Variants in RNF216 observed in about 807,000 individuals in gnomAD.
The protein encoded by RNF216 is ring finger protein 216.
Under a neutral mutation model 110.8 loss-of-function variants are expected in RNF216, and 72 were observed. That is an observed-to-expected ratio of 0.65 (90% CI 0.54 to 0.79). The LOEUF (loss-of-function observed/expected upper bound fraction) is 0.79, where lower values mean the gene tolerates loss of function less well. RNF216 is among the 30% of genes least tolerant of loss of function. RNF216 has a pLI of 0.00. For synonymous variants in RNF216, 495 were observed against 407.5 expected, an observed-to-expected ratio of 1.21 and a Z score of -2.59; for missense variants, 1,342 against 1,141.2, an observed-to-expected ratio of 1.18 and a Z score of -2.54.
At chr7:5,641,440 T>G in intron 14 of RNF216, 64 bp from the exon 15 acceptor site, 14 of 1,219,438 alleles carry the variant, frequency 1.1e-5, no homozygotes, top group Non-Finnish European at 1.7e-5. Context: ...ATATGGCCAT[T>G]AAGCATTTAT....
At chr7:5,627,165 G>C (rs1584332018) in intron 15 of RNF216, among the ~76,000 whole-genome samples, 1 of 152,210 alleles carries the variant, frequency 6.6e-6, no homozygotes, top group South Asian at 2.1e-4. Context: ...AGGTCCCTGA[G>C]AAAGTACCTT....
In RNF216 at chr7:5,667,264, T is replaced by A. The variant is rs572280896; in HGVS notation, c.2062-14754A>T. On this transcript the variant is annotated intron_variant, in intron 13 of 16. Coordinates refer to ENST00000389902, the MANE Select transcript of RNF216 (RefSeq NM_207111.4). ...AAAACTGTTTCTGTTCCACCTATATTTATTTATGTTTGGATGAAGCTTATG... is the reference window on the plus strand; with the variant it reads ...AAAACTGTTTCTGTTCCACCTATATATATTTATGTTTGGATGAAGCTTATG... 3.3e-5 allele frequency among the ~76,000 whole-genome samples: 5 copies of A among 152,354 alleles called. No individual in the cohort carries two copies. In the South Asian group the frequency reaches 1.0e-3, roughly 32 times the overall value.
In RNF216 at chr7:5,696,238, G is replaced by C. The variant is rs773927811; in HGVS notation, c.2061+15523C>G. Reference sequence around the variant, plus strand: ...TCAGGAGGCCCATGGAAAAAAAGCAGGGCTCTCAGCAGCTGGGAAAACATG... The same window carrying C: ...TCAGGAGGCCCATGGAAAAAAAGCACGGCTCTCAGCAGCTGGGAAAACATG... On this transcript the variant is annotated intron_variant, in intron 13 of 16. Coordinates refer to ENST00000389902, the MANE Select transcript of RNF216 (RefSeq NM_207111.4). This position sits in a 1 kb window ranked among gnomAD's most constrained non-coding sequence, Gnocchi z 5.4. 8.5e-5 allele frequency among the ~76,000 whole-genome samples: 13 copies of C among 152,296 alleles called. No individual in the cohort carries two copies. Among genetic ancestry groups the C allele is most frequent in the Middle Eastern group, 3.4e-3 (1 of 294 alleles).
chr7:5,655,319 A>G (rs1189271433), intron 13 of RNF216, among the ~76,000 whole-genome samples: 1 of 152,134 alleles, frequency 6.6e-6, no homozygotes, highest in Non-Finnish European at 1.5e-5. Flanking sequence ...CCCGGAGAAC[A>G]TATCTGAAAC....
chr7:5,649,708 T>G (rs1481199351), intron 14 of RNF216: 2 of 152,170 alleles, frequency 1.3e-5, no homozygotes, highest in Non-Finnish European at 2.9e-5. Flanking sequence ...AGGCGATGAT[T>G]CTTTCACATC....
Position 5,623,932 on chromosome 7 carries a change from C to G in RNF216, c.2452+124G>C, listed in dbSNP as rs1786548752. 4 of 769,054 alleles carry G rather than the reference C, an allele frequency of 5.2e-6. No individual in the cohort carries two copies. In the African/African-American group the frequency reaches 5.2e-5, roughly 10 times the overall value. 47.6% of individuals were successfully genotyped at this position (769,054 alleles called of 1,614,324 possible). A position where few individuals can be genotyped will look rare whatever the true frequency, so the allele number is the denominator to read the frequency against. ...GTGGGTGAAGTCAGGTCTATAGCCA[C>G]CTGAGGGACAGCACCCCCTCCTCTC... On this transcript the variant is annotated intron_variant, in intron 16 of 16. Coordinates refer to ENST00000389902, the MANE Select transcript of RNF216 (RefSeq NM_207111.4).
At chr7:5,657,435 C>T (rs910410084) in intron 13 of RNF216, among the ~76,000 whole-genome samples, 23 of 152,188 alleles carry the variant, frequency 1.5e-4, no homozygotes, top group Non-Finnish European at 2.6e-4. Flanking sequence ...GGCGTGGTGG[C>T]GCATGCCTAT....
At chr7:5,627,472 A>G (rs1283437738) in intron 15 of RNF216, among the ~76,000 whole-genome samples, 1 of 151,476 alleles carries the variant, frequency 6.6e-6, no homozygotes, top group Admixed American at 6.6e-5. Flanking sequence ...AAGACTAGAC[A>G]CTCGGTGGTT....
At chr7:5,686,579 G>GT (rs1450656711) in intron 13 of RNF216, among the ~76,000 whole-genome samples, 1 of 152,212 alleles carries the variant, frequency 6.6e-6, no homozygotes, top group Non-Finnish European at 1.5e-5. Flanking sequence ...TTCCTAAACT[G>GT]ATGTTCTAAA....
chr7:5,641,055 C>T (rs1486409284), intron 15 of RNF216, 99 bp downstream of exon 15: 2 of 978,278 alleles, frequency 2.0e-6, no homozygotes, highest in East Asian at 5.3e-5. Flanking sequence ...ATATTCTTCT[C>T]CTAAGTCAAA....
intron 2 of RNF216, among the ~76,000 whole-genome samples, chr7:5,755,417 T>C (rs1795584312): frequency 6.6e-6 from 1 of 152,202 alleles, no homozygotes; most frequent in African/African-American, 2.4e-5. Context: ...ACAAGCTCTA[T>C]GAATTAATAC....
rs575456136 is a variant in RNF216, at chr7:5,698,482, T to C, written c.2061+13279A>G. 8.5e-5 allele frequency among the ~76,000 whole-genome samples: 13 copies of C among 152,218 alleles called. 1 individual carries two copies. In the South Asian group the frequency reaches 1.4e-3, roughly 17 times the overall value. On this transcript the variant is annotated intron_variant, in intron 13 of 16. Transcript: ENST00000389902. The stretch of plus-strand genomic sequence containing the variant: ...ATGGTTCACAGCGGCCTCGATCTTC[T>C]GGGCTCAGGTGATCTTCCCGCCTCA...
chr7:5,733,837 T>A (rs560878338), intron 5 of RNF216, among the ~76,000 whole-genome samples: 1 of 152,322 alleles, frequency 6.6e-6, no homozygotes, highest in East Asian at 1.9e-4. Flanking sequence ...CATAACTCAG[T>A]ATTGTCGAAG....
intron 6 of RNF216, among the ~76,000 whole-genome samples, 171 bp downstream of exon 6, chr7:5,730,544 G>C (rs1794025703): frequency 6.6e-6 from 1 of 152,200 alleles, no homozygotes; most frequent in Non-Finnish European, 1.5e-5. Context: ...GGCTCAGACT[G>C]GGAGATCGCA....
At chr7:5,673,887 G>C (rs1032200808) in intron 13 of RNF216, among the ~76,000 whole-genome samples, 1 of 139,526 alleles carries the variant, frequency 7.2e-6, no homozygotes, top group African/African-American at 2.7e-5. Context: ...TTGAGACAGA[G>C]TCTTGCTCTA....
rs972105498 is a variant in RNF216, at chr7:5,635,576, G to A, written c.2382+5578C>T. ...ACAACATCATGTCCTTTCCCCTGCC[G>A]CTTAAGCCAGGGTCCCAAAGGTCCC... is the stretch of plus-strand genomic sequence containing the variant. On this transcript the variant is annotated intron_variant, in intron 15 of 16. Coordinates refer to ENST00000389902, the MANE Select transcript of RNF216 (RefSeq NM_207111.4). Among the ~76,000 whole-genome samples, 8 of 151,884 alleles carry A rather than the reference G, an allele frequency of 5.3e-5. 1 individual carries two copies. In the East Asian group the frequency reaches 9.6e-4, roughly 18 times the overall value.
chr7:5,740,911 A>C, intron 4 of RNF216, 62 bp downstream of exon 4: 1 of 1,485,924 alleles, frequency 6.7e-7, no homozygotes, highest in Admixed American at 2.4e-5. Context: ...GCAATGAAAA[A>C]AAAAAAAGAA....
chr7:5,730,156 C>T lies in RNF216; in HGVS notation c.1224+559G>A, dbSNP rs566925920. 7.2e-5 allele frequency among the ~76,000 whole-genome samples: 11 copies of T among 152,260 alleles called. No individual in the cohort carries two copies. In the East Asian group the frequency reaches 9.7e-4, roughly 13 times the overall value. On this transcript the variant is annotated intron_variant, in intron 6 of 16. Transcript: ENST00000389902. ...AAAGATATTCCACTCTGGGTAATGA[C>T]CTGCATGCTGAAGTACTTAGAGGGA...
chr7:5,703,401 G>T (rs1381579887), intron 13 of RNF216, among the ~76,000 whole-genome samples: 1 of 152,238 alleles, frequency 6.6e-6, no homozygotes, highest in African/African-American at 2.4e-5. Flanking sequence ...ATCACAGCTG[G>T]AGCTGCCCTG....
Sources: allele counts gnomAD v4.1 joint callset (sites outside exome capture counted in the v4.1 genomes callset), GRCh38; gene constraint gnomAD v4.1.1; non-coding constraint Gnocchi (gnomAD v3.1); transcripts MANE v1.5; gene names NCBI Gene and HGNC (gene_info 2026-07-23, HGNC 2026-07-21).